SCHIP1: variants seen among roughly 807,000 people sequenced by gnomAD.
The protein encoded by SCHIP1 is schwannomin interacting protein 1.
In SCHIP1, 8 loss-of-function variants were observed where a neutral mutation model predicts 29.7. The observed-to-expected ratio is 0.27, with a 90% CI of 0.16 to 0.49. SCHIP1 has a LOEUF of 0.49. Ranked by LOEUF, SCHIP1 falls within the 20% of genes least tolerant of loss-of-function variation. SCHIP1 has a pLI of 0.99. For missense variants in SCHIP1, 193 were observed against 294.6 expected (o/e 0.66, Z 2.52); for synonymous variants, 76 against 94.9 (o/e 0.80, Z 1.16).
At chr3:159,435,412 G>T in the SCHIP1 span, among the ~76,000 whole-genome samples, 1 of 152,220 alleles carries the variant, frequency 6.6e-6, no homozygotes, top group East Asian at 1.9e-4. Flanking sequence ...ACTTCATCCT[G>T]CACCTACAGG....
chr3:159,417,159 C>T, the SCHIP1 span, among the ~76,000 whole-genome samples: 12 of 152,164 alleles, frequency 7.9e-5, no homozygotes, highest in African/African-American at 2.4e-4. Context: ...AGAATTTGTT[C>T]AAGACAAGTC....
At chr3:159,859,217 G>C (rs1247961141) in intron 1 of SCHIP1, among the ~76,000 whole-genome samples, 1 of 152,172 alleles carries the variant, frequency 6.6e-6, no homozygotes, top group African/African-American at 2.4e-5. Flanking sequence ...CTAGAATGCT[G>C]TTTTTATATT....
the SCHIP1 span, among the ~76,000 whole-genome samples, chr3:159,472,844 C>T: frequency 6.6e-6 from 1 of 152,116 alleles, no homozygotes; most frequent in Non-Finnish European, 1.5e-5. Flanking sequence ...ACCGGAAGGG[C>T]TTCCTGTAGT....
the SCHIP1 span, among the ~76,000 whole-genome samples, chr3:159,527,063 C>T: frequency 4.8e-3 from 730 of 152,280 alleles, no homozygotes; most frequent in Middle Eastern, 0.01. Context: ...TCTAGTTCTG[C>T]CTGGAAAATG....
the SCHIP1 span, among the ~76,000 whole-genome samples, chr3:159,442,405 T>A: frequency 1.3e-5 from 2 of 152,046 alleles, no homozygotes; most frequent in Non-Finnish European, 2.9e-5. Flanking sequence ...CTATCATGTG[T>A]TGGAGATCCA....
chr3:159,680,719 T>TATATATATATATAATATAC, the SCHIP1 span, among the ~76,000 whole-genome samples: 1 of 79,300 alleles, frequency 1.3e-5, no homozygotes, highest in Non-Finnish European at 2.2e-5. Context: ...ATATAATATA[T>TATATATATATATAATATAC]GTATATATAT....
the SCHIP1 span, among the ~76,000 whole-genome samples, chr3:159,295,752 C>T: frequency 6.6e-6 from 1 of 152,130 alleles, no homozygotes; most frequent in South Asian, 2.1e-4. Flanking sequence ...ACTATATATG[C>T]TTATGTGTTT....
the SCHIP1 span, among the ~76,000 whole-genome samples, chr3:159,465,636 A>G: frequency 4.3e-4 from 65 of 152,252 alleles, no homozygotes; most frequent in African/African-American, 1.3e-3. Context: ...GTTGCAATAA[A>G]TATTTCTATA....
chr3:159,403,742 T>C, the SCHIP1 span, among the ~76,000 whole-genome samples: 3 of 152,218 alleles, frequency 2.0e-5, no homozygotes, highest in Non-Finnish European at 4.4e-5. Context: ...TTCCTGGGCA[T>C]GTCCTGATGA....
the SCHIP1 span, among the ~76,000 whole-genome samples, chr3:159,688,182 A>G: frequency 1.3e-5 from 2 of 152,170 alleles, no homozygotes; most frequent in Non-Finnish European, 2.9e-5. Context: ...CCACACTGTC[A>G]ACCACAATGG....
the SCHIP1 span, among the ~76,000 whole-genome samples, chr3:159,568,806 A>G: frequency 5.3e-5 from 8 of 152,146 alleles, no homozygotes; most frequent in Admixed American, 6.6e-5. Context: ...TCTATCAATT[A>G]CTGACAGTAT....
At chr3:159,714,390 G>GTGCA in the SCHIP1 span, among the ~76,000 whole-genome samples, 1 of 152,188 alleles carries the variant, frequency 6.6e-6, no homozygotes, top group Non-Finnish European at 1.5e-5. Context: ...CGGACAGTGG[G>GTGCA]TGCAGGACAG....
chr3:159,466,695 A>G, the SCHIP1 span, among the ~76,000 whole-genome samples: 8 of 152,164 alleles, frequency 5.3e-5, no homozygotes, highest in Admixed American at 2.6e-4. Context: ...CAACACTTCA[A>G]AAAAATGGTG....
the SCHIP1 span, chr3:159,274,767 ATTCTT>A: frequency 1.3e-6 from 1 of 786,006 alleles, no homozygotes; most frequent in African/African-American, 1.9e-5. Flanking sequence ...ACAAATCATG[ATTCTT>A]TTCTCAGGCC....
chr3:159,767,489 A>G, the SCHIP1 span, among the ~76,000 whole-genome samples: 1 of 152,220 alleles, frequency 6.6e-6, no homozygotes, highest in African/African-American at 2.4e-5. Context: ...GCCGTGTGGA[A>G]GAGAAGGCCT....
chr3:159,618,805 C>T, the SCHIP1 span, among the ~76,000 whole-genome samples: 3 of 152,350 alleles, frequency 2.0e-5, no homozygotes, highest in Middle Eastern at 3.4e-3. Flanking sequence ...ACCTGCAACC[C>T]TTGTTTCATG....
chr3:159,548,710 T>A, the SCHIP1 span, among the ~76,000 whole-genome samples: 2 of 151,900 alleles, frequency 1.3e-5, no homozygotes, highest in African/African-American at 2.4e-5. Context: ...TAAATTAAAA[T>A]TTTTTTTAGT....
chr3:159,618,246 T>A, the SCHIP1 span, among the ~76,000 whole-genome samples: 2 of 152,226 alleles, frequency 1.3e-5, no homozygotes, highest in Non-Finnish European at 2.9e-5. Context: ...AAAATACTAT[T>A]TCCCAGGTTT....
the SCHIP1 span, among the ~76,000 whole-genome samples, chr3:159,630,513 C>T: frequency 2.0e-5 from 3 of 152,146 alleles, no homozygotes; most frequent in East Asian, 3.9e-4. Flanking sequence ...TAAAAAGGAA[C>T]TAAATAATGG....
Sources: gnomAD v4.1 joint callset for allele counts (sites outside exome capture counted in the v4.1 genomes callset) on GRCh38, gnomAD v4.1.1 for gene constraint, MANE v1.5 for transcripts, NCBI Gene and HGNC (gene_info 2026-07-23, HGNC 2026-07-21) for gene names.